SMOC2: variants seen among roughly 807,000 people sequenced by gnomAD.
SMOC2 encodes the protein SPARC-related modular calcium-binding protein 2.
A neutral mutation model predicts 61.4 loss-of-function variants in SMOC2; 39 were observed. The observed-to-expected ratio is 0.64, with a 90% CI of 0.49 to 0.83. The LOEUF (loss-of-function observed/expected upper bound fraction) is 0.83, where lower values mean the gene tolerates loss of function less well. Ranked by LOEUF, SMOC2 falls within the 40% of genes least tolerant of loss-of-function variation. SMOC2 has a pLI of 0.00. For synonymous variants in SMOC2, 247 were observed against 239.9 expected (o/e 1.03, Z -0.27); for missense variants, 556 against 592.9 (o/e 0.94, Z 0.65).
At chr6:168,650,268 G>T (rs947368904) in intron 9 of SMOC2, among the ~76,000 whole-genome samples, 1 of 152,234 alleles carries the variant, frequency 6.6e-6, no homozygotes, top group East Asian at 1.9e-4. Flanking sequence ...TGGACAGGGT[G>T]GGGGTGGCGG....
At chr6:168,517,070 TCTAA>T (rs1173291597) in intron 2 of SMOC2, among the ~76,000 whole-genome samples, 1 of 152,230 alleles carries the variant, frequency 6.6e-6, no homozygotes, top group Non-Finnish European at 1.5e-5. Context: ...GTAACAGGAA[TCTAA>T]CTGTTGGTTT....
intron 1 of SMOC2, among the ~76,000 whole-genome samples, chr6:168,500,267 A>G (rs1028920300): frequency 7.5e-4 from 106 of 141,150 alleles, no homozygotes; most frequent in Middle Eastern, 3.5e-3. Context: ...AGCCCGGATG[A>G]CAGAGTGAAA....
rs753862722 is a variant in SMOC2 at position 168,666,405 on chromosome 6, G to GT, written c.1324-10dup. 1 of 1,612,374 alleles carries GT rather than the reference G, an allele frequency of 6.2e-7. No homozygotes were observed. The highest frequency in any genetic ancestry group is 8.5e-7 in the Non-Finnish European group (1 of 1,179,500). On this transcript the variant is annotated splice_polypyrimidine_tract_variant and intron_variant, in intron 12 of 12. Transcript: ENST00000356284. ...CCTCTGAATATAATGTCTCTTTTTT[G>GT]TTTTTTCCTTTTCAGCCAAGGAAAC...
intron 7 of SMOC2, among the ~76,000 whole-genome samples, chr6:168,575,160 C>T (rs886745547): frequency 6.6e-6 from 1 of 152,186 alleles, no homozygotes; most frequent in African/African-American, 2.4e-5. Flanking sequence ...AGCCACACCC[C>T]TCCCAGTGTT....
chr6:168,464,798 C>G (rs1190601308), intron 1 of SMOC2, among the ~76,000 whole-genome samples: 1 of 152,184 alleles, frequency 6.6e-6, no homozygotes, highest in Non-Finnish European at 1.5e-5. Flanking sequence ...AACAATTAAA[C>G]AGAAGCATTT....
At chr6:168,556,025 C>T (rs1195513567) in intron 7 of SMOC2, among the ~76,000 whole-genome samples, 2 of 152,202 alleles carry the variant, frequency 1.3e-5, no homozygotes, top group Non-Finnish European at 2.9e-5. Flanking sequence ...TGGCGGGGTC[C>T]AGGCAGGCCT....
chr6:168,604,081 C>G lies in SMOC2; in HGVS notation c.825-4076C>G, dbSNP rs545601143. Among the ~76,000 whole-genome samples the G allele has an allele frequency of 8.6e-4, 131 of 152,368 alleles. 1 individual carries two copies. The highest frequency in any genetic ancestry group is 2.9e-3 in the African/African-American group (122 of 41,584). On this transcript the variant is annotated intron_variant, in intron 8 of 12. Transcript: ENST00000356284. The stretch of plus-strand genomic sequence containing the variant: ...CTGGCAATGTTGCCGAGGACATTCC[C>G]TCTCCCAAAGCCGCCCTGACACCCT...
At position 168,527,614 on chromosome 6, in the gene SMOC2, G is replaced by C. The variant is rs1783485832; in HGVS notation, c.364-14G>C. 6.5e-7 allele frequency: 1 copy of C among 1,545,902 alleles called. No individual in the cohort carries two copies. Reference sequence around the variant, plus strand: ...GGGCCCGGGAGGGCTTACCCGTCCTGTGCTCTCTCGCAGGTCCAGTGTCAC... The same window carrying C: ...GGGCCCGGGAGGGCTTACCCGTCCTCTGCTCTCTCGCAGGTCCAGTGTCAC... On this transcript the variant is annotated splice_polypyrimidine_tract_variant and intron_variant, in intron 3 of 12. Transcript: ENST00000356284.
intron 7 of SMOC2, among the ~76,000 whole-genome samples, chr6:168,557,587 G>A (rs946560469): frequency 2.9e-4 from 44 of 152,178 alleles, no homozygotes; most frequent in Admixed American, 5.9e-4. Context: ...GCCTTACTTC[G>A]TTTTCTAAAT....
Position 168,650,555 on chromosome 6 carries a change from G to A in SMOC2, c.908-126G>A. ...ATGCAATGTGTTTGTGTTTAAACTA[G>A]CTCATTAAGATTAAGGTAGGCCAAA... On this transcript the variant is annotated intron_variant, in intron 9 of 12. Transcript: ENST00000356284. 4 of 723,288 alleles carry A rather than the reference G, an allele frequency of 5.5e-6. No homozygotes were observed. The South Asian group carries it at 7.4e-5, about 13-fold the overall frequency. 44.8% of individuals were successfully genotyped at this position (723,288 alleles called of 1,614,324 possible).
At chr6:168,573,570 A>G (rs981221647) in intron 7 of SMOC2, among the ~76,000 whole-genome samples, 5 of 152,118 alleles carry the variant, frequency 3.3e-5, no homozygotes, top group Admixed American at 6.5e-5. Context: ...CAGAGGCTGG[A>G]GTAGCCTCTG....
chr6:168,608,541 G>C (rs1785772528), intron 9 of SMOC2, among the ~76,000 whole-genome samples: 1 of 152,162 alleles, frequency 6.6e-6, no homozygotes, highest in African/African-American at 2.4e-5. Flanking sequence ...CTCTCTAGAT[G>C]CTCCTGAACC....
intron 9 of SMOC2, among the ~76,000 whole-genome samples, chr6:168,643,422 G>C (rs1786943006): frequency 6.6e-6 from 1 of 152,114 alleles, no homozygotes; most frequent in Non-Finnish European, 1.5e-5. Context: ...GACACACCCT[G>C]GTATCCTCAG....
chr6:168,662,430 G>T (rs1295288516), intron 11 of SMOC2, among the ~76,000 whole-genome samples: 1 of 152,210 alleles, frequency 6.6e-6, no homozygotes, highest in African/African-American at 2.4e-5. Flanking sequence ...GTGGAGAGCA[G>T]CCTGCAGAGG....
chr6:168,659,036 ATGTG>A (rs563012564), intron 11 of SMOC2, among the ~76,000 whole-genome samples: 1 of 131,946 alleles, frequency 7.6e-6, no homozygotes, highest in East Asian at 2.3e-4. Context: ...TGTGGTGTGT[ATGTG>A]TGTGTGTGGC....
chr6:168,610,210 G>A (rs1785819651), intron 9 of SMOC2, among the ~76,000 whole-genome samples: 1 of 152,164 alleles, frequency 6.6e-6, no homozygotes, highest in Non-Finnish European at 1.5e-5. Context: ...AAAACAGGAG[G>A]AGAAGGATGG....
intron 9 of SMOC2, among the ~76,000 whole-genome samples, chr6:168,648,606 C>T (rs1257188542): frequency 6.6e-6 from 1 of 152,250 alleles, no homozygotes; most frequent in Non-Finnish European, 1.5e-5. Flanking sequence ...GAGACTGTTA[C>T]TTCTTTCTTG....
chr6:168,664,317 G>T, intron 12 of SMOC2: 6 of 520,458 alleles, frequency 1.2e-5, no homozygotes, highest in East Asian at 4.3e-5. Flanking sequence ...CAACTTGTTT[G>T]AAAAAAGTTT....
At chr6:168,608,877 A>G (rs2115204966) in intron 9 of SMOC2, among the ~76,000 whole-genome samples, 1 of 152,310 alleles carries the variant, frequency 6.6e-6, no homozygotes, top group East Asian at 1.9e-4. Context: ...ATGTTTAACC[A>G]ACATCTCAGA....
Sources: gnomAD v4.1 joint callset for allele counts (sites outside exome capture counted in the v4.1 genomes callset) on GRCh38, gnomAD v4.1.1 for gene constraint, MANE v1.5 for transcripts, NCBI Gene and HGNC (gene_info 2026-07-23, HGNC 2026-07-21) for gene names.